RPS6KA2: variants seen among roughly 807,000 people sequenced by gnomAD.
RPS6KA2 encodes ribosomal protein S6 kinase alpha-2.
RPS6KA2 carries 42 observed loss-of-function variants against 91.8 expected under a neutral mutation model. The ratio of observed to expected loss-of-function variants is 0.46; its 90% CI spans 0.36 to 0.59. The LOEUF (loss-of-function observed/expected upper bound fraction) is 0.59, where lower values mean the gene tolerates loss of function less well. RPS6KA2 is among the 20% of genes least tolerant of loss of function. The pLI, the probability that RPS6KA2 is intolerant of heterozygous loss-of-function variation, is 0.00. For synonymous variants in RPS6KA2, 414 were observed against 393.6 expected (o/e 1.05, Z -0.61); for missense variants, 798 against 978.5 (o/e 0.82, Z 2.46).
At chr6:166,521,584 G>A (rs143660690) in intron 3 of RPS6KA2, among the ~76,000 whole-genome samples, 7 of 152,332 alleles carry the variant, frequency 4.6e-5, no homozygotes, top group Middle Eastern at 3.4e-3. Context: ...CACAGAGCTC[G>A]TGTGTTTTCA....
chr6:166,519,972 C>T (rs6925705), intron 3 of RPS6KA2, among the ~76,000 whole-genome samples: 8,869 of 152,134 alleles, frequency 0.058, 878 homozygotes, highest in African/African-American at 0.2. Context: ...AAGATATCAA[C>T]ATTTGAATTG....
At chr6:166,589,656 A>G (rs1785294664) in intron 1 of RPS6KA2, among the ~76,000 whole-genome samples, 1 of 152,232 alleles carries the variant, frequency 6.6e-6, no homozygotes, top group African/African-American at 2.4e-5. Context: ...AGCTTTTACT[A>G]TCAGCTCCAA....
intron 2 of RPS6KA2, among the ~76,000 whole-genome samples, chr6:166,819,980 T>G (rs1779864406): frequency 6.6e-6 from 1 of 151,990 alleles, no homozygotes; most frequent in South Asian, 2.1e-4. Flanking sequence ...TATATGAGAG[T>G]GTGTGTTTTG....
chr6:166,469,778 A>T (rs1025083231), intron 11 of RPS6KA2, 63 bp downstream of exon 11: 4 of 1,434,022 alleles, frequency 2.8e-6, no homozygotes, highest in Non-Finnish European at 3.9e-6. Context: ...ACCAAGCCGT[A>T]TGTTCCCTCC....
chr6:166,667,944 G>C (rs1788363822), intron 2 of RPS6KA2, among the ~76,000 whole-genome samples: 1 of 152,246 alleles, frequency 6.6e-6, no homozygotes, highest in South Asian at 2.1e-4. Context: ...TTGGTAGAAA[G>C]TAAAGACACA....
intron 5 of RPS6KA2, among the ~76,000 whole-genome samples, chr6:166,505,995 T>A (rs952622785): frequency 6.6e-6 from 1 of 152,134 alleles, no homozygotes; most frequent in African/African-American, 2.4e-5. Flanking sequence ...CCAAGGACAA[T>A]AGCAGGAAGT....
intron 1 of RPS6KA2, among the ~76,000 whole-genome samples, chr6:166,570,288 C>T (rs1337353207): frequency 1.3e-5 from 2 of 152,162 alleles, no homozygotes; most frequent in African/African-American, 4.8e-5. Flanking sequence ...GGGCAGTCAC[C>T]GCCTCCTCAA....
rs1476554341 is a variant in RPS6KA2 at position 166,586,456 on chromosome 6, C to A, written c.99+40465G>T. 4.4e-6 allele frequency: 7 copies of A among 1,598,776 alleles called. No homozygotes were observed. In the East Asian group the frequency reaches 1.3e-4, roughly 31 times the overall value. On this transcript the variant is annotated intron_variant, in intron 1 of 20. Transcript: ENST00000265678. ...GCAAACATCTCTTCAAAATTTGGAACAGCTTCGGCAGTGTCAGTCATTCTG... is the reference window on the plus strand; with the variant it reads ...GCAAACATCTCTTCAAAATTTGGAAAAGCTTCGGCAGTGTCAGTCATTCTG...
chr6:166,626,980 A>T lies in RPS6KA2; in HGVS notation c.40T>A (p.Phe14Ile). The change falls in exon 1 of 21, where the codon TTC (phenylalanine) becomes ATC (isoleucine). Residue 14 changes from phenylalanine to isoleucine, a missense_variant. Phe to Ile is a conservative substitution (Grantham distance 21, BLOSUM62 0). Coordinates refer to ENST00000265678, the MANE Select transcript of RPS6KA2 (RefSeq NM_021135.6). The surrounding 1 kb of genome is among the most constrained non-coding windows in gnomAD (Gnocchi z 4.1). ...SMKKFAVRRF[F>I]SVYLRRKSRS... ...GACTTCCTGCGCAGGTACACAGAGA[A>T]GAACCTGCGCACGGCGAACTTCTTC... 1 of 1,557,422 alleles carries T rather than the reference A, an allele frequency of 6.4e-7. No homozygotes were observed.
intron 1 of RPS6KA2, among the ~76,000 whole-genome samples, chr6:166,552,920 G>A (rs1445340384): frequency 6.6e-6 from 1 of 152,242 alleles, no homozygotes; most frequent in African/African-American, 2.4e-5. Flanking sequence ...CCACAGGTGT[G>A]CAATGGCTCT....
chr6:166,819,687 T>C (rs1028302644), intron 2 of RPS6KA2, among the ~76,000 whole-genome samples: 15 of 152,238 alleles, frequency 9.9e-5, no homozygotes, highest in African/African-American at 3.6e-4. Context: ...TTCATGGAGA[T>C]TGTGCTCATT....
At chr6:166,699,192 T>C (rs996797578) in intron 2 of RPS6KA2, among the ~76,000 whole-genome samples, 1 of 152,130 alleles carries the variant, frequency 6.6e-6, no homozygotes, top group Non-Finnish European at 1.5e-5. Flanking sequence ...AGAAAGGCTG[T>C]GGTCAGAAAA....
intron 2 of RPS6KA2, among the ~76,000 whole-genome samples, chr6:166,689,018 G>A (rs767397689): frequency 6.6e-6 from 1 of 152,210 alleles, no homozygotes; most frequent in African/African-American, 2.4e-5. Flanking sequence ...TAGCATCCCC[G>A]AAAACAAAGG....
intron 1 of RPS6KA2, among the ~76,000 whole-genome samples, chr6:166,546,911 C>T (rs932874896): frequency 2.0e-5 from 3 of 152,294 alleles, no homozygotes; most frequent in South Asian, 2.1e-4. Context: ...CTGTTGGGAA[C>T]GCTGAGCTGG....
At chr6:166,748,261 C>T (rs1010036118) in intron 2 of RPS6KA2, among the ~76,000 whole-genome samples, 5 of 152,104 alleles carry the variant, frequency 3.3e-5, no homozygotes, top group South Asian at 2.1e-4. Context: ...GGAGGGAGTG[C>T]GGGCCAGGCT....
At chr6:166,669,428 G>A (rs1279425755) in intron 2 of RPS6KA2, among the ~76,000 whole-genome samples, 1 of 152,200 alleles carries the variant, frequency 6.6e-6, no homozygotes, top group Non-Finnish European at 1.5e-5. Context: ...CACACTGTCT[G>A]ATCCCAAATT....
intron 3 of RPS6KA2, among the ~76,000 whole-genome samples, chr6:166,512,963 G>T (rs1311934891): frequency 6.6e-6 from 1 of 151,702 alleles, no homozygotes; most frequent in Non-Finnish European, 1.5e-5. Context: ...TGTCATCACC[G>T]TGGTCCTGTG....
Position 166,849,468 on chromosome 6 carries a change from C to T in RPS6KA2, c.123+8732G>A, listed in dbSNP as rs1488873582. Among the ~76,000 whole-genome samples the T allele has an allele frequency of 2.6e-5, 4 of 152,142 alleles. No homozygotes were observed. Among genetic ancestry groups the T allele is most frequent in the African/African-American group, 9.7e-5 (4 of 41,408 alleles). Reference sequence around the variant, plus strand: ...AGGGCCAGACACACAGTTATCACTCCCCAGACTTTGCCCGAAGAATAAAAG... The same window carrying T: ...AGGGCCAGACACACAGTTATCACTCTCCAGACTTTGCCCGAAGAATAAAAG... On this transcript the variant is annotated intron_variant, in intron 2 of 21. Transcript: ENST00000503859. This position sits in a 1 kb window ranked among gnomAD's most constrained non-coding sequence, Gnocchi z 4.9.
At chr6:166,679,221 A>C (rs1395095674) in intron 2 of RPS6KA2, among the ~76,000 whole-genome samples, 1 of 152,050 alleles carries the variant, frequency 6.6e-6, no homozygotes, top group Non-Finnish European at 1.5e-5. Context: ...TGGGAGACTG[A>C]GGCGGGTGGA....
Sources: gnomAD v4.1 joint callset for allele counts (sites outside exome capture counted in the v4.1 genomes callset) on GRCh38, gnomAD v4.1.1 for gene constraint, Gnocchi (gnomAD v3.1) non-coding constraint, MANE v1.5 for transcripts, NCBI Gene and HGNC (gene_info 2026-07-23, HGNC 2026-07-21) for gene names.